OR2B11: variants seen among roughly 807,000 people sequenced by gnomAD.
The protein encoded by OR2B11 is olfactory receptor 2B11.
For missense variants in OR2B11, 422 were observed against 400.0 expected (o/e 1.05, Z -0.47); for synonymous variants, 198 against 174.5 (o/e 1.13, Z -1.06).
chr1:247,457,558 C>T (rs1007714435), intron 1 of OR2B11, 81 bp downstream of exon 1: 1 of 152,370 alleles, frequency 6.6e-6, no homozygotes, highest in Admixed American at 6.5e-5. Flanking sequence ...CAGCATAGCC[C>T]AGTGTTAATA....
rs1400708544 is a variant in OR2B11, at chr1:247,452,020, A to G, written c.-38T>C. 8.2e-7 allele frequency: 1 copy of G among 1,221,218 alleles called. No individual in the cohort carries two copies. Among genetic ancestry groups the G allele is most frequent in the South Asian group, 1.2e-5 (1 of 81,360 alleles). 75.6% of individuals were successfully genotyped at this position (1,221,218 alleles called of 1,614,324 possible). ...TCTGGCACTTGTGGCAAATTGAGAAAATTGGAATGAATAATACCTGAGAAG... is the reference window on the plus strand; with the variant it reads ...TCTGGCACTTGTGGCAAATTGAGAAGATTGGAATGAATAATACCTGAGAAG... On this transcript the variant is annotated 5_prime_UTR_variant, in exon 2 of 2. Transcript: ENST00000641149.
Position 247,450,019 on chromosome 1 carries a change from T to G in OR2B11, c.*1010A>C, listed in dbSNP as rs10754559. 1 of 151,824 alleles carries G rather than the reference T, an allele frequency of 6.6e-6. No homozygotes were observed. Among genetic ancestry groups the G allele is most frequent in the Non-Finnish European group, 1.5e-5 (1 of 67,970 alleles). 9.4% of individuals were successfully genotyped at this position (151,824 alleles called of 1,614,324 possible). ...TTCTTTTTTTTTTGAGATGGAGTCT[T>G]GCTCTGTCGCCCAGTCTGGAGTGCA... is the stretch of plus-strand genomic sequence containing the variant. On this transcript the variant is annotated 3_prime_UTR_variant, in exon 2 of 2. Transcript: ENST00000641149.
chr1:247,456,928 C>A lies in OR2B11; in HGVS notation c.-3083+711G>T, dbSNP rs145194372. Among the ~76,000 whole-genome samples the A allele has an allele frequency of 1.1e-3, 174 of 152,284 alleles. 1 individual carries two copies. Among genetic ancestry groups the A allele is most frequent in the African/African-American group, 3.5e-3 (147 of 41,556 alleles). ...CAAAAATGATTATTGATTTTGTTAGCAAATCTAAAAGCCTCATCCCTCAAA... is the reference window on the plus strand; with the variant it reads ...CAAAAATGATTATTGATTTTGTTAGAAAATCTAAAAGCCTCATCCCTCAAA... On this transcript the variant is annotated intron_variant, in intron 1 of 1. Coordinates refer to ENST00000641149, the MANE Select transcript of OR2B11 (RefSeq NM_001004492.2).
rs747164851 is a variant in OR2B11 at position 247,452,009 on chromosome 1, C to A, written c.-27G>T. 3 of 1,430,448 alleles carry A rather than the reference C, an allele frequency of 2.1e-6. No homozygotes were observed. In the African/African-American group the frequency reaches 4.2e-5, roughly 20 times the overall value. 88.6% of individuals were successfully genotyped at this position (1,430,448 alleles called of 1,614,324 possible). A position where few individuals can be genotyped will look rare whatever the true frequency, so the allele number is the denominator to read the frequency against. On this transcript the variant is annotated 5_prime_UTR_variant, in exon 2 of 2. Coordinates refer to ENST00000641149, the MANE Select transcript of OR2B11 (RefSeq NM_001004492.2). The stretch of plus-strand genomic sequence containing the variant: ...TTGCGGCATTTTCTGGCACTTGTGG[C>A]AAATTGAGAAAATTGGAATGAATAA...
intron 1 of OR2B11, among the ~76,000 whole-genome samples, 187 bp from the exon 2 acceptor site, chr1:247,455,251 T>A (rs1341761313): frequency 6.6e-6 from 1 of 152,180 alleles, no homozygotes; most frequent in Admixed American, 6.5e-5. Flanking sequence ...AAGTAGCTTA[T>A]GAGATGGGCA....
At position 247,452,050 on chromosome 1, in the gene OR2B11, A is replaced by G; in HGVS notation, c.-68T>C. 1 of 933,686 alleles carries G rather than the reference A, an allele frequency of 1.1e-6. No homozygotes were observed. Among genetic ancestry groups the G allele is most frequent in the Non-Finnish European group, 1.7e-6 (1 of 586,434 alleles). 57.8% of individuals were successfully genotyped at this position (933,686 alleles called of 1,614,324 possible). On this transcript the variant is annotated 5_prime_UTR_variant, in exon 2 of 2. Transcript: ENST00000641149. ...GAATGAATAATACCTGAGAAGAGGA[A>G]TTGATCACTTTCCTCCCTCTTGCAT...
chr1:247,451,946 G>T lies in OR2B11; in HGVS notation c.37C>A (p.Pro13Thr). The T allele has an allele frequency of 6.3e-7, 1 of 1,588,760 alleles. No individual in the cohort carries two copies. Among genetic ancestry groups the T allele is most frequent in the Non-Finnish European group, 8.6e-7 (1 of 1,167,652 alleles). ...ACACCCAGAAGGATGAAGGCTTTAG[G>T]GGAGTCCCCTAAGAAGCTATGGTTG... ...SDNHSFLGDS[P>T]KAFILLGVSD... Residue 13 changes from proline (P) to threonine (T), a missense_variant, in exon 2 of 2, where the codon CCT (proline) becomes ACT (threonine). Coordinates refer to ENST00000641149, the MANE Select transcript of OR2B11 (RefSeq NM_001004492.2).
rs755753147 is a variant in OR2B11 at position 247,451,857 on chromosome 1, G to T, written c.126C>A (p.Ala42=). 1 of 1,614,102 alleles carries T rather than the reference G, an allele frequency of 6.2e-7. No homozygotes were observed. The highest frequency in any genetic ancestry group is 2.2e-5 in the East Asian group (1 of 44,878). Residue 42 remains alanine (A), a synonymous_variant, in exon 2 of 2, where the codon GCC becomes GCA. Coordinates refer to ENST00000641149, the MANE Select transcript of OR2B11 (RefSeq NM_001004492.2). ...FVVLLLSYVL[A]MLGNVAIILA... ...GGATGATGGCGACGTTCCCCAACAT[G>T]GCCAGCACATAGGACAGCAGGAGGA...
At position 247,451,608 on chromosome 1, in the gene OR2B11, G is replaced by A. The variant is rs769160961; in HGVS notation, c.375C>T (p.Asp125=). The part of the protein sequence containing the change: ...ECIVLAAMAL[D]RYVAICKPLH... ...GGGGCTTGCAGATGGCCACGTAGCG[G>A]TCCAGGGCCATGGCGGCCAGGACGA... The change falls in exon 2 of 2, where the codon GAC becomes GAT. Residue 125 remains aspartate, a synonymous_variant. Coordinates refer to ENST00000641149, the MANE Select transcript of OR2B11 (RefSeq NM_001004492.2). The A allele has an allele frequency of 6.2e-7, 1 of 1,613,934 alleles. No homozygotes were observed. Among genetic ancestry groups the A allele is most frequent in the East Asian group, 2.2e-5 (1 of 44,858 alleles).
In OR2B11 at chr1:247,450,727, A is replaced by T. The variant is rs1005825033; in HGVS notation, c.*302T>A. On this transcript the variant is annotated 3_prime_UTR_variant, in exon 2 of 2. Coordinates refer to ENST00000641149, the MANE Select transcript of OR2B11 (RefSeq NM_001004492.2). Reference sequence around the variant, plus strand: ...GAAAAGAGACAAATGGGGAGAGAATAAAAGAAATATAGGAAGAGGAAAAGA... The same window carrying T: ...GAAAAGAGACAAATGGGGAGAGAATTAAAGAAATATAGGAAGAGGAAAAGA... 1.8e-5 allele frequency: 4 copies of T among 227,950 alleles called. No individual in the cohort carries two copies. In the Admixed American group the frequency reaches 2.3e-4, roughly 13 times the overall value. 14.1% of individuals were successfully genotyped at this position (227,950 alleles called of 1,614,324 possible).
chr1:247,457,068 A>G (rs1664977847), intron 1 of OR2B11, among the ~76,000 whole-genome samples: 1 of 152,080 alleles, frequency 6.6e-6, no homozygotes, highest in Non-Finnish European at 1.5e-5. Flanking sequence ...TGATGGGCCT[A>G]TGGGAGGGAG....
rs755902797 is a variant in OR2B11, at chr1:247,451,572, G to C, written c.411C>G (p.Ala137=). Residue 137 remains alanine, a synonymous_variant, in exon 2 of 2, where the codon GCC becomes GCG. Transcript: ENST00000641149. The stretch of plus-strand genomic sequence containing the variant: ...GACAGAGAGCACGGTGCATGAGAAC[G>C]GCATAGTGCAGGGGCTTGCAGATGG... The part of the protein sequence containing the change: ...YVAICKPLHY[A]VLMHRALCQQ... The C allele has an allele frequency of 6.2e-7, 1 of 1,613,844 alleles. No individual in the cohort carries two copies.
At position 247,452,335 on chromosome 1, in the gene OR2B11, A is replaced by G; in HGVS notation, c.-353T>C. ...ATGTGAGAAGAATACCTCACGAATG[A>G]CAATTATGTTCCAGGTAGAGCGAAG... On this transcript the variant is annotated 5_prime_UTR_variant, in exon 2 of 2. Coordinates refer to ENST00000641149, the MANE Select transcript of OR2B11 (RefSeq NM_001004492.2). 4.1e-6 allele frequency: 1 copy of G among 243,436 alleles called. No individual in the cohort carries two copies. The highest frequency in any genetic ancestry group is 8.1e-6 in the Non-Finnish European group (1 of 124,062). The allele number at this position is 243,436 out of a possible 1,614,324, so 15.1% of individuals were successfully genotyped here. A position where few individuals can be genotyped will look rare whatever the true frequency, so the allele number is the denominator to read the frequency against.
rs1411260403 is a variant in OR2B11, at chr1:247,452,902, G to A, written c.-920C>T. 6.6e-6 allele frequency: 1 copy of A among 152,106 alleles called. No individual in the cohort carries two copies. The allele number at this position is 152,106 out of a possible 1,614,324, so 9.4% of individuals were successfully genotyped here. A position where few individuals can be genotyped will look rare whatever the true frequency, so the allele number is the denominator to read the frequency against. ...CAATTTCCTGCACAATTTCTTTGCC[G>A]AGCAGCTGTCACCTCTCAGTGATAG... On this transcript the variant is annotated 5_prime_UTR_variant, in exon 2 of 2. Coordinates refer to ENST00000641149, the MANE Select transcript of OR2B11 (RefSeq NM_001004492.2).
Position 247,451,913 on chromosome 1 carries a change from T to G in OR2B11, c.70A>C (p.Arg24=), listed in dbSNP as rs1240358211. ...KAFILLGVSD[R]PWLELPLFVV... ...AAGAGAGGGAGTTCCAGCCACGGCC[T>G]GTCAGACACACCCAGAAGGATGAAG... The change falls in exon 2 of 2, where the codon AGG becomes CGG. Residue 24 remains arginine (R), a synonymous_variant. Transcript: ENST00000641149. 1.2e-6 allele frequency: 2 copies of G among 1,614,058 alleles called. No homozygotes were observed.
Position 247,453,834 on chromosome 1 carries a change from T to C in OR2B11, c.-1852A>G, listed in dbSNP as rs1344260548. On this transcript the variant is annotated 5_prime_UTR_variant, in exon 2 of 2. Transcript: ENST00000641149. ...CTTAATATCTCAGCAAGGTCCATGT[T>C]TTCACCCCTAATTGACTGAGCGACT... The C allele has an allele frequency of 6.6e-6, 1 of 152,178 alleles. No homozygotes were observed. The highest frequency in any genetic ancestry group is 1.5e-5 in the Non-Finnish European group (1 of 68,040). The allele number at this position is 152,178 out of a possible 1,614,324, so 9.4% of individuals were successfully genotyped here.
rs4925549 is a variant in OR2B11 at position 247,457,950 on chromosome 1, A to T, written c.-3394T>A. 137,905 of 152,144 alleles carry T rather than the reference A, an allele frequency of 0.91. 63,997 individuals are homozygous for T. The highest frequency in any genetic ancestry group is 1 in the East Asian group (5,151 of 5,152). The allele number at this position is 152,144 out of a possible 1,614,324, so 9.4% of individuals were successfully genotyped here. On this transcript the variant is annotated 5_prime_UTR_variant, in exon 1 of 2. Transcript: ENST00000641149. The stretch of plus-strand genomic sequence containing the variant: ...CTTGGCAGTACGTGAGGTCGGTGGA[A>T]CTGCCTTAACCTTAGTCCCCCAGAG...
chr1:247,456,600 ACTTTTTTTT>A (rs1195584638), intron 1 of OR2B11, among the ~76,000 whole-genome samples: 1 of 144,782 alleles, frequency 6.9e-6, no homozygotes, highest in African/African-American at 2.7e-5. Context: ...GATTGTAATT[ACTTTTTTTT>A]CTTTTTTTTT....
rs1664931506 is a variant in OR2B11, at chr1:247,454,876, G to A, written c.-2894C>T. 2 of 152,104 alleles carry A rather than the reference G, an allele frequency of 1.3e-5. No homozygotes were observed. Among genetic ancestry groups the A allele is most frequent in the Non-Finnish European group, 2.9e-5 (2 of 68,040 alleles). 9.4% of individuals were successfully genotyped at this position (152,104 alleles called of 1,614,324 possible). The stretch of plus-strand genomic sequence containing the variant: ...CCCTCACACGAAGTCATCTTTCTGA[G>A]ACTCAGGCCTTAAGGCAAAGATATC... On this transcript the variant is annotated 5_prime_UTR_variant, in exon 2 of 2. Transcript: ENST00000641149.
Sources: allele counts gnomAD v4.1 joint callset (sites outside exome capture counted in the v4.1 genomes callset), GRCh38; gene constraint gnomAD v4.1.1; transcripts MANE v1.5; gene names NCBI Gene and HGNC (gene_info 2026-07-23, HGNC 2026-07-21).